Variants in SOX6 observed in about 807,000 individuals in gnomAD.
SOX6 encodes the protein SRY-box transcription factor 6, also known as transcription factor SOX-6.
A neutral mutation model predicts 97.8 loss-of-function variants in SOX6; 11 were observed. That is an observed-to-expected ratio of 0.11 (90% CI 0.07 to 0.19). The LOEUF (loss-of-function observed/expected upper bound fraction) is 0.19. Ranked by LOEUF, SOX6 falls within the 10% of genes least tolerant of loss-of-function variation. The pLI, the probability that SOX6 is intolerant of heterozygous loss-of-function variation, is 1.00. For missense variants in SOX6, 810 were observed against 1,039.5 expected, an observed-to-expected ratio of 0.78 and a Z score of 3.04; for synonymous variants, 360 against 371.4, an observed-to-expected ratio of 0.97 and a Z score of 0.35.
At chr11:16,160,527 GT>G (rs2134069134) in intron 6 of SOX6, among the ~76,000 whole-genome samples, 1 of 152,256 alleles carries the variant, frequency 6.6e-6, no homozygotes, top group Admixed American at 6.5e-5. Context: ...TATGCTAAGT[GT>G]TGTAAAATTA....
intron 4 of SOX6, among the ~76,000 whole-genome samples, chr11:16,224,125 A>G (rs1852619294): frequency 6.6e-6 from 1 of 152,056 alleles, no homozygotes; most frequent in African/African-American, 2.4e-5. Flanking sequence ...TTTCACATAT[A>G]AGAACATTTT....
At chr11:16,078,105 C>T (rs1197671007) in intron 9 of SOX6, among the ~76,000 whole-genome samples, 1 of 152,050 alleles carries the variant, frequency 6.6e-6, no homozygotes. Context: ...GTAAGAAATA[C>T]AAAAAGGTGA....
At chr11:16,591,290 AC>A (rs908310862) in intron 4 of SOX6, among the ~76,000 whole-genome samples, 5 of 148,434 alleles carry the variant, frequency 3.4e-5, no homozygotes, top group Non-Finnish European at 7.6e-5. Context: ...GTGTTACCAA[AC>A]ACATAGATTA....
At chr11:16,141,067 T>C (rs1172460680) in intron 6 of SOX6, among the ~76,000 whole-genome samples, 1 of 151,582 alleles carries the variant, frequency 6.6e-6, no homozygotes, top group African/African-American at 2.4e-5. Flanking sequence ...TGAGCCAAGA[T>C]TGCACTGCTG....
Position 16,610,221 on chromosome 11 carries a change from C to CCTGT in SOX6, n.609+1856_609+1859dup, listed in dbSNP as rs1167942567. Among the ~76,000 whole-genome samples the CCTGT allele has an allele frequency of 6.6e-6, 1 of 152,204 alleles. No homozygotes were observed. The highest frequency in any genetic ancestry group is 2.4e-5 in the African/African-American group (1 of 41,432). On this transcript the variant is annotated intron_variant and non_coding_transcript_variant, in intron 4 of 5. Coordinates refer to the SOX6 transcript ENST00000524520. The surrounding 1 kb of genome is among the most constrained non-coding windows in gnomAD (Gnocchi z 4.4). ...GCCTAAAGAGGTCATCATTGAAGGA[C>CCTGT]CTGTCCTAAATGCCTGCAGAGAGGA...
intron 13 of SOX6, among the ~76,000 whole-genome samples, chr11:16,010,064 A>G (rs954090986): frequency 6.7e-6 from 1 of 149,140 alleles, no homozygotes; most frequent in Non-Finnish European, 1.5e-5. Context: ...TCTTAAACAA[A>G]GAGCTTAAGC....
chr11:16,486,528 G>A (rs1190735252), intron 4 of SOX6, among the ~76,000 whole-genome samples: 1 of 152,046 alleles, frequency 6.6e-6, no homozygotes, highest in African/African-American at 2.4e-5. Flanking sequence ...ATAATCCACA[G>A]ACTACCTATA....
At chr11:15,997,678 C>T (rs1484514122) in intron 13 of SOX6, among the ~76,000 whole-genome samples, 1 of 152,076 alleles carries the variant, frequency 6.6e-6, no homozygotes, top group African/African-American at 2.4e-5. Context: ...AGGAAACTTT[C>T]CCAGTCTGAT....
At chr11:15,981,150 T>A (rs994411296) in intron 15 of SOX6, among the ~76,000 whole-genome samples, 7 of 152,036 alleles carry the variant, frequency 4.6e-5, no homozygotes, top group Admixed American at 3.3e-4. Flanking sequence ...CCTTTATAGA[T>A]CAATTTCAAA....
chr11:16,702,041 A>G (rs76342257), intron 3 of SOX6, among the ~76,000 whole-genome samples: 2,753 of 152,330 alleles, frequency 0.018, 72 homozygotes, highest in East Asian at 0.052. Context: ...CATGTGTATC[A>G]CAACAATACC....
At chr11:16,460,805 A>G (rs1358712743) in intron 1 of SOX6, among the ~76,000 whole-genome samples, 2 of 152,112 alleles carry the variant, frequency 1.3e-5, no homozygotes, top group Non-Finnish European at 2.9e-5. Context: ...CCTATGTGAG[A>G]GCCACCTGAT....
chr11:16,466,570 A>G (rs1198565829), intron 1 of SOX6, among the ~76,000 whole-genome samples: 1 of 151,976 alleles, frequency 6.6e-6, no homozygotes, highest in Non-Finnish European at 1.5e-5. Context: ...TGAAAACTAT[A>G]CATCTGATAA....
chr11:16,587,425 G>C (rs1848106489), intron 4 of SOX6, among the ~76,000 whole-genome samples: 1 of 152,156 alleles, frequency 6.6e-6, no homozygotes, highest in African/African-American at 2.4e-5. Flanking sequence ...ATCAAGTACT[G>C]TTCCAAGTGT....
At chr11:16,714,485 G>A (rs1377231078) in intron 3 of SOX6, among the ~76,000 whole-genome samples, 1 of 114,780 alleles carries the variant, frequency 8.7e-6, no homozygotes, top group African/African-American at 3.5e-5. Flanking sequence ...ACAGAGTCTT[G>A]CTCTGTCGCC....
At chr11:16,066,066 GA>G (rs1410598524) in intron 9 of SOX6, among the ~76,000 whole-genome samples, 12 of 152,086 alleles carry the variant, frequency 7.9e-5, no homozygotes, top group East Asian at 1.9e-4. Flanking sequence ...CAACTCTTTG[GA>G]AAAAATATAT....
At chr11:16,570,705 C>T (rs1022448045) in intron 4 of SOX6, among the ~76,000 whole-genome samples, 2 of 152,258 alleles carry the variant, frequency 1.3e-5, no homozygotes, top group East Asian at 3.9e-4. Context: ...CTTCCTTCAT[C>T]ATATGAAAAA....
intron 1 of SOX6, among the ~76,000 whole-genome samples, chr11:16,438,283 G>T (rs1859426541): frequency 6.6e-6 from 1 of 152,022 alleles, no homozygotes; most frequent in South Asian, 2.1e-4. Context: ...ACATCAACTT[G>T]AAATTATAAT....
intron 6 of SOX6, among the ~76,000 whole-genome samples, chr11:16,154,444 C>T (rs1321141925): frequency 3.9e-5 from 6 of 152,040 alleles, no homozygotes; most frequent in Non-Finnish European, 8.8e-5. Flanking sequence ...CATATTAAAA[C>T]TCCTTATTTT....
chr11:16,563,571 G>A (rs1190589207), intron 4 of SOX6, among the ~76,000 whole-genome samples: 2 of 152,146 alleles, frequency 1.3e-5, no homozygotes, highest in Admixed American at 1.3e-4. Flanking sequence ...CTAAATAACA[G>A]AGAGAAAACA....
Sources: allele counts gnomAD v4.1 joint callset (sites outside exome capture counted in the v4.1 genomes callset), GRCh38; gene constraint gnomAD v4.1.1; non-coding constraint Gnocchi (gnomAD v3.1); transcripts MANE v1.5; gene names NCBI Gene and HGNC (gene_info 2026-07-23, HGNC 2026-07-21).